FREM2: variants seen among roughly 807,000 people sequenced by gnomAD.
The protein encoded by FREM2 is FRAS1-related extracellular matrix protein 2.
A neutral mutation model predicts 219.9 loss-of-function variants in FREM2; 119 were observed. The observed-to-expected ratio is 0.54, with a 90% CI of 0.47 to 0.63. The LOEUF is 0.63. Among genes scored for constraint, FREM2 ranks in the 30% least tolerant of loss-of-function variants. The pLI, the probability that FREM2 is intolerant of heterozygous loss-of-function variation, is 0.00. For synonymous variants in FREM2, 1,562 were observed against 1,522.8 expected, an observed-to-expected ratio of 1.03 and a Z score of -0.60; for missense variants, 4,030 against 3,993.6, an observed-to-expected ratio of 1.01 and a Z score of -0.25.
intron 16 of FREM2, among the ~76,000 whole-genome samples, chr13:38,870,154 A>G (rs1878109607): frequency 6.6e-6 from 1 of 152,232 alleles, no homozygotes; most frequent in Non-Finnish European, 1.5e-5. Context: ...ATTTAGATAT[A>G]TGAAACTTTG....
chr13:38,777,295 C>T (rs7988180), intron 4 of FREM2, among the ~76,000 whole-genome samples: 4,681 of 152,214 alleles, frequency 0.031, 243 homozygotes, highest in African/African-American at 0.11. Context: ...AGCAGTACTT[C>T]GTGTTGCTCT....
intron 2 of FREM2, among the ~76,000 whole-genome samples, chr13:38,738,928 C>T (rs970811935): frequency 6.6e-6 from 1 of 152,160 alleles, no homozygotes; most frequent in Non-Finnish European, 1.5e-5. Flanking sequence ...AACTTTGATT[C>T]TAGAAATACT....
chr13:38,798,338 T>C (rs1197247059), intron 6 of FREM2, among the ~76,000 whole-genome samples: 2 of 152,116 alleles, frequency 1.3e-5, no homozygotes, highest in African/African-American at 4.8e-5. Flanking sequence ...TTGATCACGG[T>C]GTATTATCTT....
intron 6 of FREM2, among the ~76,000 whole-genome samples, chr13:38,834,290 T>TA (rs1482184287): frequency 6.6e-6 from 1 of 152,152 alleles, no homozygotes; most frequent in African/African-American, 2.4e-5. Context: ...GTTCCTGTGT[T>TA]AGTTTGCTGA....
intron 2 of FREM2, among the ~76,000 whole-genome samples, chr13:38,762,558 G>T (rs1410090059): frequency 6.6e-6 from 1 of 151,868 alleles, no homozygotes; most frequent in African/African-American, 2.4e-5. Flanking sequence ...TCCTGCCTCA[G>T]CCTCCCGAGT....
chr13:38,785,316 C>T (rs1337938234), intron 6 of FREM2, among the ~76,000 whole-genome samples: 3 of 152,186 alleles, frequency 2.0e-5, no homozygotes, highest in Admixed American at 6.5e-5. Flanking sequence ...CTAGATCATT[C>T]TTCCCCAGAG....
intron 2 of FREM2, 45 bp from the exon 3 acceptor site, chr13:38,764,259 A>T (rs2137809173): frequency 7.1e-7 from 1 of 1,409,812 alleles, no homozygotes; most frequent in Non-Finnish European, 1.0e-6. Context: ...AAGATCACTC[A>T]TTCAAGAAAG....
chr13:38,885,822 T>G lies in FREM2; in HGVS notation c.*5035T>G, dbSNP rs937528722. Reference sequence around the variant, plus strand: ...TTGACATTTAAGATGTAAAAAAAATTACTTTGATGGTTTAATTAAGAATAA... The same window carrying G: ...TTGACATTTAAGATGTAAAAAAAATGACTTTGATGGTTTAATTAAGAATAA... On this transcript the variant is annotated 3_prime_UTR_variant, in exon 24 of 24. Transcript: ENST00000280481. 1 of 152,226 alleles carries G rather than the reference T, an allele frequency of 6.6e-6. No homozygotes were observed. The highest frequency in any genetic ancestry group is 6.5e-5 in the Admixed American group (1 of 15,282). 9.4% of individuals were successfully genotyped at this position (152,226 alleles called of 1,614,324 possible).
At chr13:38,720,955 C>G (rs562671879) in intron 2 of FREM2, among the ~76,000 whole-genome samples, 1 of 152,176 alleles carries the variant, frequency 6.6e-6, no homozygotes, top group East Asian at 1.9e-4. Context: ...AAGGCTATTT[C>G]TGAGCATGAG....
In FREM2 at chr13:38,770,493, T is replaced by G. The variant is rs1191932043; in HGVS notation, c.5641+685T>G. On this transcript the variant is annotated intron_variant, in intron 4 of 23. Coordinates refer to ENST00000280481, the MANE Select transcript of FREM2 (RefSeq NM_207361.6). ...TAATTCATCACTTTTTGGAGTCCTT[T>G]AAATGTCTTAACATATCTTTGAAAC... Among the ~76,000 whole-genome samples, 4 of 152,212 alleles carry G rather than the reference T, an allele frequency of 2.6e-5. No homozygotes were observed. The East Asian group carries it at 7.7e-4, about 29-fold the overall frequency.
chr13:38,813,497 TCTCTCTCTCTCTCTCTCTCTC>T (rs1875588632), intron 6 of FREM2, among the ~76,000 whole-genome samples: 1 of 16,392 alleles, frequency 6.1e-5, no homozygotes, highest in Non-Finnish European at 1.1e-4. Context: ...TCTCTCTCTC[TCTCTCTCTCTCTCTCTCTCTC>T]CTCTCTCTCT....
At chr13:38,877,425 G>T (rs1226021523) in intron 21 of FREM2, among the ~76,000 whole-genome samples, 182 bp downstream of exon 21, 2 of 152,114 alleles carry the variant, frequency 1.3e-5, no homozygotes, top group Non-Finnish European at 2.9e-5. Flanking sequence ...ATGTAACTGG[G>T]TATCTTTTTT....
At chr13:38,876,989 G>A (rs1401618892) in intron 20 of FREM2, 128 bp from the exon 21 acceptor site, 2 of 1,081,082 alleles carry the variant, frequency 1.9e-6, no homozygotes, top group Non-Finnish European at 2.8e-6. Context: ...TAGCTTGGTA[G>A]GGTGTGAAAA....
At chr13:38,864,009 G>A (rs1877858729) in intron 15 of FREM2, among the ~76,000 whole-genome samples, 1 of 151,642 alleles carries the variant, frequency 6.6e-6, no homozygotes, top group Non-Finnish European at 1.5e-5. Flanking sequence ...TTGTAATTTT[G>A]GTAGAGACAG....
chr13:38,687,598 G>T lies in FREM2; in HGVS notation c.254G>T (p.Arg85Leu). ...CGCGGACTCCGGGTGCCTTTCGGCC[G>T]TGAAGTCTGGCTGGATCCCCTGCAT... ...ANRGLRVPFG[R>L]EVWLDPLHDL... The change falls in exon 1 of 24, where the codon CGT (arginine) becomes CTT (leucine). Residue 85 changes from arginine (R) to leucine (L), a missense_variant. Around this residue, in one of 2 missense-constraint regions of FREM2, gnomAD observed 3,102 missense variants for 2,950.7 expected, o/e 1.05. Transcript: ENST00000280481. 1 of 1,608,358 alleles carries T rather than the reference G, an allele frequency of 6.2e-7. No individual in the cohort carries two copies.
intron 12 of FREM2, among the ~76,000 whole-genome samples, chr13:38,857,148 C>A (rs1471614333): frequency 6.6e-6 from 1 of 152,084 alleles, no homozygotes; most frequent in Non-Finnish European, 1.5e-5. Context: ...GTATGAAATT[C>A]TTTTGGGTGA....
At chr13:38,777,401 T>C (rs1593401041) in intron 4 of FREM2, among the ~76,000 whole-genome samples, 1 of 152,198 alleles carries the variant, frequency 6.6e-6, no homozygotes, top group Non-Finnish European at 1.5e-5. Flanking sequence ...CAGTAATGTG[T>C]AGTGGTTACG....
chr13:38,738,565 CAAAAAA>C (rs71074478), intron 2 of FREM2, among the ~76,000 whole-genome samples: 55 of 48,474 alleles, frequency 1.1e-3, no homozygotes, highest in African/African-American at 2.4e-3. Context: ...GACTCCATCT[CAAAAAA>C]AAAAAAAAAA....
chr13:38,737,613 A>G (rs1289830536), intron 2 of FREM2, among the ~76,000 whole-genome samples: 2 of 152,228 alleles, frequency 1.3e-5, no homozygotes, highest in African/African-American at 4.8e-5. Flanking sequence ...GAAACAGCCT[A>G]GATCAGTGCT....
Sources: gnomAD v4.1 joint callset for allele counts (sites outside exome capture counted in the v4.1 genomes callset) on GRCh38, gnomAD v4.1.1 for gene constraint, gnomAD v4.1.1 regional missense constraint, MANE v1.5 for transcripts, NCBI Gene and HGNC (gene_info 2026-07-23, HGNC 2026-07-21) for gene names.